The following PRKCH variants were observed in gnomAD, a reference collection of about 807,000 sequenced individuals.
The protein encoded by PRKCH is protein kinase C eta.
In PRKCH, 28 loss-of-function variants were observed where a neutral mutation model predicts 82.5. The observed-to-expected ratio is 0.34, with a 90% CI of 0.25 to 0.47. The LOEUF is 0.47. PRKCH is among the 20% of genes least tolerant of loss of function. PRKCH has a pLI of 1.00. For synonymous variants in PRKCH, 322 were observed against 327.4 expected (o/e 0.98, Z 0.18); for missense variants, 705 against 881.8 (o/e 0.80, Z 2.54).
At chr14:61,420,542 A>G (rs1827794827) in intron 2 of PRKCH, among the ~76,000 whole-genome samples, 1 of 152,154 alleles carries the variant, frequency 6.6e-6, no homozygotes, top group African/African-American at 2.4e-5. Context: ...ACTTCATTCC[A>G]CAGCTCAAGT....
At chr14:61,258,337 A>T (rs578028445) in intron 1 of PRKCH, among the ~76,000 whole-genome samples, 13 of 152,226 alleles carry the variant, frequency 8.5e-5, no homozygotes, top group Non-Finnish European at 1.3e-4. Context: ...GATCTATGAA[A>T]TAATGTTATT....
At chr14:61,432,246 AT>A (rs1883442370) in intron 2 of PRKCH, among the ~76,000 whole-genome samples, 1 of 151,216 alleles carries the variant, frequency 6.6e-6, no homozygotes, top group African/African-American at 2.4e-5. Flanking sequence ...ATATCTTTTT[AT>A]TTTTCTTTTG....
intron 1 of PRKCH, among the ~76,000 whole-genome samples, chr14:61,387,515 G>T (rs149161340): frequency 6.6e-6 from 1 of 152,184 alleles, no homozygotes; most frequent in Non-Finnish European, 1.5e-5. Context: ...GTCTTGCTGC[G>T]TTTGTATTCA....
At chr14:61,291,964 T>C (rs1313848645) in intron 1 of PRKCH, among the ~76,000 whole-genome samples, 3 of 152,094 alleles carry the variant, frequency 2.0e-5, no homozygotes, top group African/African-American at 7.2e-5. Flanking sequence ...CTCCACAAAA[T>C]TGATAAAGAC....
chr14:61,292,952 T>A, intron 1 of PRKCH, among the ~76,000 whole-genome samples: 1 of 151,770 alleles, frequency 6.6e-6, no homozygotes, highest in East Asian at 1.9e-4. Flanking sequence ...AAGAAGGGAT[T>A]TTCCCTGTCT....
Position 61,510,086 on chromosome 14 carries a change from C to T in PRKCH, c.1434-18989C>T, listed in dbSNP as rs17098623. Reference sequence around the variant, plus strand: ...GGACAGAGGCGTGGAGGCAGAAAAGCGTCCTGTGCTAAGGAATCATGAGGA... The same window carrying T: ...GGACAGAGGCGTGGAGGCAGAAAAGTGTCCTGTGCTAAGGAATCATGAGGA... On this transcript the variant is annotated intron_variant, in intron 10 of 13. Transcript: ENST00000332981. 0.017 allele frequency among the ~76,000 whole-genome samples: 2,562 copies of T among 152,124 alleles called. 127 individuals carry two copies. In the East Asian group the frequency reaches 0.21, roughly 13 times the overall value.
chr14:61,197,893 A>G (rs576307040), intron 1 of PRKCH, among the ~76,000 whole-genome samples: 13 of 152,326 alleles, frequency 8.5e-5, no homozygotes, highest in Non-Finnish European at 1.9e-4. Context: ...AACTGTAGAT[A>G]ATTCTCATAT....
chr14:61,265,501 C>T (rs1165134360), intron 1 of PRKCH, among the ~76,000 whole-genome samples: 1 of 152,098 alleles, frequency 6.6e-6, no homozygotes, highest in Non-Finnish European at 1.5e-5. Flanking sequence ...AACAAAAACC[C>T]TCACTTTACA....
chr14:61,279,902 C>G, intron 1 of PRKCH: 2 of 597,758 alleles, frequency 3.3e-6, no homozygotes, highest in Non-Finnish European at 5.9e-6. Context: ...AGTCAACATC[C>G]CTCCCCGCGG....
chr14:61,537,585 T>C (rs896917497), intron 12 of PRKCH: 1 of 152,172 alleles, frequency 6.6e-6, no homozygotes, highest in Non-Finnish European at 1.5e-5. Context: ...GCTGAAGCCT[T>C]GTCTCAGAGG....
chr14:61,280,110 G>C lies in PRKCH; in HGVS notation c.-19+92442G>C, dbSNP rs568501008. 1 of 1,612,028 alleles carries C rather than the reference G, an allele frequency of 6.2e-7. No homozygotes were observed. Among genetic ancestry groups the C allele is most frequent in the East Asian group, 2.2e-5 (1 of 44,822 alleles). On this transcript the variant is annotated intron_variant, in intron 1 of 3. Coordinates refer to the PRKCH transcript ENST00000555185. This position sits in a 1 kb window ranked among gnomAD's most constrained non-coding sequence, Gnocchi z 5.0. The stretch of plus-strand genomic sequence containing the variant: ...GCCGGAATCACTCCTCGTCGTCGTC[G>C]TCCTGGTCCTGGTAGCGAATGTAGA...
intron 1 of PRKCH, among the ~76,000 whole-genome samples, chr14:61,369,932 A>G (rs2046343891): frequency 6.6e-6 from 1 of 152,036 alleles, no homozygotes; most frequent in Non-Finnish European, 1.5e-5. Flanking sequence ...ATGTGTATAT[A>G]TATGTGTGTA....
chr14:61,396,536 A>G (rs549512329), intron 2 of PRKCH, among the ~76,000 whole-genome samples: 18 of 152,326 alleles, frequency 1.2e-4, no homozygotes, highest in Admixed American at 5.2e-4. Context: ...TATGTATGCA[A>G]TGCAGGGAGC....
chr14:61,446,782 T>C (rs116396597), intron 4 of PRKCH, among the ~76,000 whole-genome samples: 2,139 of 152,386 alleles, frequency 0.014, 56 homozygotes, highest in African/African-American at 0.049. Context: ...GAATATGCCC[T>C]GCAGTCCATG....
intron 9 of PRKCH, among the ~76,000 whole-genome samples, chr14:61,477,515 C>G (rs944355934): frequency 5.9e-5 from 9 of 152,142 alleles, no homozygotes; most frequent in African/African-American, 2.2e-4. Flanking sequence ...ATTGAATCAA[C>G]TTTATAGAAA....
chr14:61,484,764 C>CT (rs375542490), intron 9 of PRKCH, among the ~76,000 whole-genome samples: 1,658 of 121,158 alleles, frequency 0.014, 22 homozygotes, highest in South Asian at 0.021. Context: ...ATTTGGCTTC[C>CT]TTTTTTTTTT....
intron 10 of PRKCH, among the ~76,000 whole-genome samples, chr14:61,487,072 G>A (rs1886256918): frequency 6.6e-6 from 1 of 152,182 alleles, no homozygotes; most frequent in South Asian, 2.1e-4. Context: ...AACTCTCTTA[G>A]AGAGAGTGCA....
At chr14:61,424,736 A>G (rs1360930580) in intron 2 of PRKCH, among the ~76,000 whole-genome samples, 2 of 152,232 alleles carry the variant, frequency 1.3e-5, no homozygotes, top group African/African-American at 2.4e-5. Flanking sequence ...CACCAAGACA[A>G]TGGGGAAAAT....
At chr14:61,364,184 T>C (rs2046269228) in intron 1 of PRKCH, among the ~76,000 whole-genome samples, 1 of 151,510 alleles carries the variant, frequency 6.6e-6, no homozygotes, top group Non-Finnish European at 1.5e-5. Context: ...GGAGACACTT[T>C]TAGGAGATTT....
Sources: allele counts gnomAD v4.1 joint callset (sites outside exome capture counted in the v4.1 genomes callset), GRCh38; gene constraint gnomAD v4.1.1; non-coding constraint Gnocchi (gnomAD v3.1); transcripts MANE v1.5; gene names NCBI Gene and HGNC (gene_info 2026-07-23, HGNC 2026-07-21).